The following ZNF445 variants were observed in gnomAD, a reference collection of about 807,000 sequenced individuals.
The protein encoded by ZNF445 is zinc finger protein 168.
In ZNF445, 19 loss-of-function variants were observed where a neutral mutation model predicts 93.9. That is an observed-to-expected ratio of 0.20 (90% CI 0.14 to 0.30). The LOEUF (loss-of-function observed/expected upper bound fraction) is 0.30, where lower values mean the gene tolerates loss of function less well. Ranked by LOEUF, ZNF445 falls within the 10% of genes least tolerant of loss-of-function variation. The pLI is 1.00. For synonymous variants in ZNF445, 449 were observed against 446.3 expected, an observed-to-expected ratio of 1.01 and a Z score of -0.08; for missense variants, 1,058 against 1,259.4, an observed-to-expected ratio of 0.84 and a Z score of 2.42.
intron 1 of ZNF445, among the ~76,000 whole-genome samples, chr3:44,468,875 C>T (rs144207621): frequency 5.3e-5 from 8 of 152,158 alleles, no homozygotes; most frequent in African/African-American, 1.9e-4. Context: ...GCCGGCTCTG[C>T]GTGAATTACT....
intron 2 of ZNF445, among the ~76,000 whole-genome samples, chr3:44,457,865 T>C (rs1698053874): frequency 6.6e-6 from 1 of 151,642 alleles, no homozygotes; most frequent in Admixed American, 6.6e-5. Flanking sequence ...CAAAAAAAAT[T>C]AGCTGGGCGT....
Position 44,436,571 on chromosome 3 carries a change from A to C in ZNF445, c.*10004T>G, listed in dbSNP as rs993379829. The C allele has an allele frequency of 6.6e-6, 1 of 152,152 alleles. No individual in the cohort carries two copies. Among genetic ancestry groups the C allele is most frequent in the African/African-American group, 2.4e-5 (1 of 41,414 alleles). The allele number at this position is 152,152 out of a possible 1,614,324, so 9.4% of individuals were successfully genotyped here. A position where few individuals can be genotyped will look rare whatever the true frequency, so the allele number is the denominator to read the frequency against. Reference sequence around the variant, plus strand: ...CATTTTTATCTCCTTAAGCATTTACATATCTTCCTCTACAGTATACCAACG... The same window carrying C: ...CATTTTTATCTCCTTAAGCATTTACCTATCTTCCTCTACAGTATACCAACG... On this transcript the variant is annotated 3_prime_UTR_variant, in exon 8 of 8. Transcript: ENST00000396077.
intron 7 of ZNF445, 114 bp downstream of exon 7, chr3:44,449,399 A>T: frequency 1.1e-6 from 1 of 903,704 alleles, no homozygotes; most frequent in Non-Finnish European, 1.8e-6. Flanking sequence ...CAACACTGTT[A>T]AAGATCTTCC....
chr3:44,458,685 G>T (rs938960588), intron 1 of ZNF445, among the ~76,000 whole-genome samples: 1 of 152,054 alleles, frequency 6.6e-6, no homozygotes, highest in African/African-American at 2.4e-5. Flanking sequence ...ACCTCTCTCT[G>T]ACCTTTTCTT....
chr3:44,464,037 A>C (rs755533136), intron 1 of ZNF445, among the ~76,000 whole-genome samples: 3 of 152,172 alleles, frequency 2.0e-5, no homozygotes, highest in Non-Finnish European at 4.4e-5. Context: ...TAGGCAGGAC[A>C]ATCGCTTGAA....
intron 1 of ZNF445, among the ~76,000 whole-genome samples, chr3:44,472,735 A>T: frequency 6.6e-6 from 1 of 152,238 alleles, no homozygotes; most frequent in East Asian, 1.9e-4. Flanking sequence ...CGCCAATGAA[A>T]TTCAGGTATC....
At position 44,442,259 on chromosome 3, in the gene ZNF445, A is replaced by G. The variant is rs1400178940; in HGVS notation, c.*4316T>C. ...ATCCATTCTTCTGCTGATGAAATGC[A>G]GGCTTTTCCCAATCTTGCTACCTAA... On this transcript the variant is annotated 3_prime_UTR_variant, in exon 8 of 8. Coordinates refer to ENST00000396077, the MANE Select transcript of ZNF445 (RefSeq NM_181489.6). 1.3e-5 allele frequency: 2 copies of G among 152,240 alleles called. No individual in the cohort carries two copies. Among genetic ancestry groups the G allele is most frequent in the Non-Finnish European group, 2.9e-5 (2 of 68,044 alleles). The allele number at this position is 152,240 out of a possible 1,614,324, so 9.4% of individuals were successfully genotyped here.
At chr3:44,473,734 A>G (rs958415472) in intron 1 of ZNF445, among the ~76,000 whole-genome samples, 3 of 147,078 alleles carry the variant, frequency 2.0e-5, no homozygotes, top group Non-Finnish European at 4.5e-5. Context: ...GAAGGACTAA[A>G]AAAAAAAAAA....
chr3:44,474,857 C>T (rs1463683159), intron 1 of ZNF445, among the ~76,000 whole-genome samples: 5 of 152,106 alleles, frequency 3.3e-5, no homozygotes, highest in South Asian at 2.1e-4. Flanking sequence ...GCTGGCCAGG[C>T]GCGGTGGCTC....
chr3:44,456,583 T>C (rs767199301), intron 2 of ZNF445, among the ~76,000 whole-genome samples: 1 of 152,154 alleles, frequency 6.6e-6, no homozygotes, highest in South Asian at 2.1e-4. Flanking sequence ...CATAGGTCAA[T>C]GGAATAAAAT....
intron 1 of ZNF445, among the ~76,000 whole-genome samples, chr3:44,460,540 A>T (rs1002213482): frequency 6.6e-6 from 1 of 152,200 alleles, no homozygotes; most frequent in Non-Finnish European, 1.5e-5. Flanking sequence ...CACAACCCAG[A>T]TCAATAAACT....
In ZNF445 at chr3:44,439,008, TA is replaced by T. The variant is rs111801003; in HGVS notation, c.*7566del. 2.3e-4 allele frequency: 33 copies of T among 143,606 alleles called. No individual in the cohort carries two copies. Among genetic ancestry groups the T allele is most frequent in the South Asian group, 8.8e-4 (4 of 4,544 alleles). The allele number at this position is 143,606 out of a possible 1,614,324, so 8.9% of individuals were successfully genotyped here. On this transcript the variant is annotated 3_prime_UTR_variant, in exon 8 of 8. Transcript: ENST00000396077. ...ATTGTGCACATGTACCCTAAAAGTA[TA>T]AAAAAAAAAAAAACAAGGACTCCAG...
intron 1 of ZNF445, among the ~76,000 whole-genome samples, chr3:44,460,335 A>C (rs960705956): frequency 1.3e-5 from 2 of 152,214 alleles, no homozygotes; most frequent in Admixed American, 1.3e-4. Flanking sequence ...AGAGATTAAC[A>C]ACCCTTTCCC....
rs779990181 is a variant in ZNF445, at chr3:44,446,776, G to C, written c.2895C>G (p.Leu965=). Residue 965 remains leucine (L), a synonymous_variant, in exon 8 of 8, where the codon CTC becomes CTG. Transcript: ENST00000396077. The surrounding 1 kb of genome is among the most constrained non-coding windows in gnomAD (Gnocchi z 4.2). ...CKEACSQSSR[L]TGLQDISIGK... Reference sequence around the variant, plus strand: ...CAATGCTTATGTCCTGGAGTCCAGTGAGCCTGGAGCTCTGGCTGCAAGCTT... The same window carrying C: ...CAATGCTTATGTCCTGGAGTCCAGTCAGCCTGGAGCTCTGGCTGCAAGCTT... 1 of 1,614,174 alleles carries C rather than the reference G, an allele frequency of 6.2e-7. No individual in the cohort carries two copies. Among genetic ancestry groups the C allele is most frequent in the Non-Finnish European group, 8.5e-7 (1 of 1,180,028 alleles).
At chr3:44,458,012 CAAAAAAAAAAA>C (rs549514697) in intron 2 of ZNF445, among the ~76,000 whole-genome samples, 1 of 94,046 alleles carries the variant, frequency 1.1e-5, no homozygotes, top group African/African-American at 4.3e-5. Flanking sequence ...GACTCCGTCT[CAAAAAAAAAAA>C]AAAAAAAAGG....
In ZNF445 at chr3:44,474,867, C is replaced by G. The variant is rs547785772; in HGVS notation, c.-269+2724G>C. Among the ~76,000 whole-genome samples the G allele has an allele frequency of 1.1e-4, 17 of 152,206 alleles. No individual in the cohort carries two copies. In the South Asian group the frequency reaches 3.1e-3, roughly 28 times the overall value. On this transcript the variant is annotated intron_variant, in intron 1 of 7. Transcript: ENST00000396077. ...AGTTTGCTGGCCAGGCGCGGTGGCT[C>G]ACACCTGTAATCCTAGTACTTTGGA...
Position 44,451,193 on chromosome 3 carries a change from G to A in ZNF445, c.598+121C>T, listed in dbSNP as rs561167388. 2.2e-5 allele frequency: 28 copies of A among 1,299,664 alleles called. No individual in the cohort carries two copies. The African/African-American group carries it at 4.1e-4, about 19-fold the overall frequency. The allele number at this position is 1,299,664 out of a possible 1,614,324, so 80.5% of individuals were successfully genotyped here. Reference sequence around the variant, plus strand: ...GGTTATAGAATGGATGGAGAGGACAGAGAGCTAAGGGCCAGGACAGAAGGA... The same window carrying A: ...GGTTATAGAATGGATGGAGAGGACAAAGAGCTAAGGGCCAGGACAGAAGGA... On this transcript the variant is annotated intron_variant, in intron 4 of 7. Transcript: ENST00000396077.
chr3:44,447,091 T>C lies in ZNF445; in HGVS notation c.2580A>G (p.Gly860=), dbSNP rs1459588790. ...TRKRTLLDHK[G]IHSGEKRYKC... ...TATAGCGCTTCTCTCCACTGTGTAT[T>C]CCCTTATGATCTAAAAGGGTTCTTT... The change falls in exon 8 of 8, where the codon GGA becomes GGG. Residue 860 remains glycine (G), a synonymous_variant. Coordinates refer to ENST00000396077, the MANE Select transcript of ZNF445 (RefSeq NM_181489.6). This position sits in a 1 kb window ranked among gnomAD's most constrained non-coding sequence, Gnocchi z 4.7. 6.2e-7 allele frequency: 1 copy of C among 1,614,222 alleles called. No individual in the cohort carries two copies. The highest frequency in any genetic ancestry group is 1.3e-5 in the African/African-American group (1 of 75,056).
Position 44,437,723 on chromosome 3 carries a change from G to A in ZNF445, c.*8852C>T, listed in dbSNP as rs1265750751. The A allele has an allele frequency of 6.6e-6, 1 of 152,190 alleles. No homozygotes were observed. The highest frequency in any genetic ancestry group is 2.4e-5 in the African/African-American group (1 of 41,442). The allele number at this position is 152,190 out of a possible 1,614,324, so 9.4% of individuals were successfully genotyped here. On this transcript the variant is annotated 3_prime_UTR_variant, in exon 8 of 8. Coordinates refer to ENST00000396077, the MANE Select transcript of ZNF445 (RefSeq NM_181489.6). ...CCAAAGTCGTCCAATCAGTGCTGCA[G>A]TCTATTTCTTTGGGGTTGGGGGGAT...
Sources: gnomAD v4.1 joint callset for allele counts (sites outside exome capture counted in the v4.1 genomes callset) on GRCh38, gnomAD v4.1.1 for gene constraint, Gnocchi (gnomAD v3.1) non-coding constraint, MANE v1.5 for transcripts, NCBI Gene and HGNC (gene_info 2026-07-23, HGNC 2026-07-21) for gene names.